The following PURB variants were observed in gnomAD, a reference collection of about 807,000 sequenced individuals.
PURB encodes the protein transcriptional regulator protein Pur-beta.
In PURB, 11 loss-of-function variants were observed where a neutral mutation model predicts 21.1. The observed-to-expected ratio is 0.52, with a 90% CI of 0.33 to 0.86. The LOEUF is 0.86. Among genes scored for constraint, PURB ranks in the 40% least tolerant of loss-of-function variants. The probability of loss-of-function intolerance (pLI) is 0.02; values close to 1 mark genes in which losing one functional copy is unlikely to be tolerated. For synonymous variants in PURB, 246 were observed against 210.8 expected (o/e 1.17, Z -1.45); for missense variants, 357 against 456.5 (o/e 0.78, Z 1.99).
Position 44,882,739 on chromosome 7 carries a change from G to T in PURB, c.*1671C>A, listed in dbSNP as rs889332482. ...AAAAAAATACTAAGATTGTGGAGGC[G>T]GGGTTACTTGCCTCCTGGTTGAGAA... On this transcript the variant is annotated 3_prime_UTR_variant, in exon 1 of 1. Transcript: ENST00000395699. The T allele has an allele frequency of 3.3e-5, 5 of 152,156 alleles. No individual in the cohort carries two copies. Among genetic ancestry groups the T allele is most frequent in the Non-Finnish European group, 2.9e-5 (2 of 68,036 alleles). The allele number at this position is 152,156 out of a possible 1,614,324, so 9.4% of individuals were successfully genotyped here.
rs1793896282 is a variant in PURB, at chr7:44,882,767, T to TGTC, written c.*1640_*1642dup. On this transcript the variant is annotated 3_prime_UTR_variant, in exon 1 of 1. Transcript: ENST00000395699. ...GTTACTTGCCTCCTGGTTGAGAAGGTGTCACACAAAGAATACCTGAAAACT... is the reference window on the plus strand; with the variant it reads ...GTTACTTGCCTCCTGGTTGAGAAGGTGTCGTCACACAAAGAATACCTGAAAACT... The TGTC allele has an allele frequency of 6.6e-6, 1 of 152,150 alleles. No homozygotes were observed. Among genetic ancestry groups the TGTC allele is most frequent in the Non-Finnish European group, 1.5e-5 (1 of 68,026 alleles). The allele number at this position is 152,150 out of a possible 1,614,324, so 9.4% of individuals were successfully genotyped here. A position where few individuals can be genotyped will look rare whatever the true frequency, so the allele number is the denominator to read the frequency against.
Position 44,885,254 on chromosome 7 carries a change from T to A in PURB, c.95A>T (p.Gln32Leu). The change falls in exon 1 of 1, where the codon CAG becomes CTG. Residue 32 changes from glutamine (Q) to leucine (L), a missense_variant. By Grantham distance (113) the Gln-to-Leu change is moderately radical. Coordinates refer to ENST00000395699, the MANE Select transcript of PURB (RefSeq NM_033224.5). ...ASRGGGEQET[Q>L]ELASKRLDIQ... ...GTCCAGCCGCTTCGAGGCCAGCTCC[T>A]GCGTCTCTTGCTCGCCGCCGCCGCG... is the stretch of plus-strand genomic sequence containing the variant. The A allele has an allele frequency of 6.4e-7, 1 of 1,556,080 alleles. No individual in the cohort carries two copies. Among genetic ancestry groups the A allele is most frequent in the Non-Finnish European group, 8.6e-7 (1 of 1,159,480 alleles).
rs1250811244 is a variant in PURB, at chr7:44,880,966, G to C, written c.*3444C>G. On this transcript the variant is annotated 3_prime_UTR_variant, in exon 1 of 1. Transcript: ENST00000395699. The stretch of plus-strand genomic sequence containing the variant: ...CAGATTTATATTTTGTTCTTGTGCA[G>C]CATATGCACTGAAAAACTTGCTGCT... 6.6e-6 allele frequency: 1 copy of C among 152,566 alleles called. No homozygotes were observed. The highest frequency in any genetic ancestry group is 1.5e-5 in the Non-Finnish European group (1 of 68,020). The allele number at this position is 152,566 out of a possible 1,614,324, so 9.5% of individuals were successfully genotyped here.
In PURB at chr7:44,878,136, C is replaced by G. The variant is rs1206646361; in HGVS notation, c.*6274G>C. On this transcript the variant is annotated 3_prime_UTR_variant, in exon 1 of 1. Transcript: ENST00000395699. ...TTGGCTTTAAGAAATAAGAGATGGC[C>G]TAAATGGATATTTTGGAAAAAGTTA... The G allele has an allele frequency of 6.6e-6, 1 of 152,090 alleles. No individual in the cohort carries two copies. The highest frequency in any genetic ancestry group is 1.5e-5 in the Non-Finnish European group (1 of 68,014). 9.4% of individuals were successfully genotyped at this position (152,090 alleles called of 1,614,324 possible). A position where few individuals can be genotyped will look rare whatever the true frequency, so the allele number is the denominator to read the frequency against.
rs1038964548 is a variant in PURB, at chr7:44,884,517, C to T, written c.832G>A (p.Glu278Lys). Residue 278 changes from glutamate (E) to lysine (K), a missense_variant, in exon 1 of 1, where the codon GAG (glutamate) becomes AAG (lysine). Coordinates refer to ENST00000395699, the MANE Select transcript of PURB (RefSeq NM_033224.5). ...TGTCGTTCCTGGATTTCTTTCATCT[C>T]ATCCGCATACCGGCAAAAGGCGCCT... Reference protein sequence around the residue: ...FGGAFCRYADEMKEIQERQRD... With the variant: ...FGGAFCRYADKMKEIQERQRD... 1 of 1,614,106 alleles carries T rather than the reference C, an allele frequency of 6.2e-7. No individual in the cohort carries two copies. The highest frequency in any genetic ancestry group is 8.5e-7 in the Non-Finnish European group (1 of 1,180,040).
chr7:44,880,384 A>C lies in PURB; in HGVS notation c.*4026T>G, dbSNP rs1335102701. 6.5e-6 allele frequency: 1 copy of C among 152,684 alleles called. No individual in the cohort carries two copies. The highest frequency in any genetic ancestry group is 2.4e-5 in the African/African-American group (1 of 41,466). The allele number at this position is 152,684 out of a possible 1,614,324, so 9.5% of individuals were successfully genotyped here. ...TGGATAAAGTACCATAATTGGGTTA[A>C]AAATGAAAACAAAATTTACAGTGAA... On this transcript the variant is annotated 3_prime_UTR_variant, in exon 1 of 1. Coordinates refer to ENST00000395699, the MANE Select transcript of PURB (RefSeq NM_033224.5).
At position 44,885,184 on chromosome 7, in the gene PURB, C is replaced by G. The variant is rs753038925; in HGVS notation, c.165G>C (p.Lys55Asn). 1 of 1,588,158 alleles carries G rather than the reference C, an allele frequency of 6.3e-7. No individual in the cohort carries two copies. The change falls in exon 1 of 1, where the codon AAG becomes AAC. Residue 55 changes from lysine to asparagine, a missense_variant. Coordinates refer to ENST00000395699, the MANE Select transcript of PURB (RefSeq NM_033224.5). The part of the protein sequence containing the change: ...RFYLDVKQNA[K>N]GRFLKIAEVG... ...CCTCGGCGATCTTGAGGAAGCGGCC[C>G]TTGGCGTTCTGCTTCACATCTAAGT... is the stretch of plus-strand genomic sequence containing the variant.
rs974724500 is a variant in PURB at position 44,880,334 on chromosome 7, A to G, written c.*4076T>C. On this transcript the variant is annotated 3_prime_UTR_variant, in exon 1 of 1. Coordinates refer to ENST00000395699, the MANE Select transcript of PURB (RefSeq NM_033224.5). ...AAGGCCACACTATTTTCAAATGAAT[A>G]TCTACTGAGAGATCAGTTGTGCATT... 1 of 152,648 alleles carries G rather than the reference A, an allele frequency of 6.6e-6. No homozygotes were observed. The highest frequency in any genetic ancestry group is 2.4e-5 in the African/African-American group (1 of 41,446). 9.5% of individuals were successfully genotyped at this position (152,648 alleles called of 1,614,324 possible).
In PURB at chr7:44,885,363, C is replaced by T. The variant is rs2128692514; in HGVS notation, c.-15G>A. On this transcript the variant is annotated 5_prime_UTR_variant, in exon 1 of 1. Coordinates refer to ENST00000395699, the MANE Select transcript of PURB (RefSeq NM_033224.5). ...CCGTCCGCCATCTTCTAGGCCGCCG[C>T]CTCGCCGCCACCGCCCGCCGCGCTC... 1 of 1,126,702 alleles carries T rather than the reference C, an allele frequency of 8.9e-7. No individual in the cohort carries two copies. The highest frequency in any genetic ancestry group is 3.6e-5 in the East Asian group (1 of 27,520). The allele number at this position is 1,126,702 out of a possible 1,614,324, so 69.8% of individuals were successfully genotyped here. A position where few individuals can be genotyped will look rare whatever the true frequency, so the allele number is the denominator to read the frequency against.
chr7:44,879,645 A>T lies in PURB; in HGVS notation c.*4765T>A, dbSNP rs1793849092. 1 of 152,606 alleles carries T rather than the reference A, an allele frequency of 6.6e-6. No homozygotes were observed. 9.5% of individuals were successfully genotyped at this position (152,606 alleles called of 1,614,324 possible). A position where few individuals can be genotyped will look rare whatever the true frequency, so the allele number is the denominator to read the frequency against. ...AGGCTCAAGGGAAAGTAACTTATTA[A>T]ATTGTGAATGCAGCATTATTTACTC... On this transcript the variant is annotated 3_prime_UTR_variant, in exon 1 of 1. Coordinates refer to ENST00000395699, the MANE Select transcript of PURB (RefSeq NM_033224.5).
rs1368178501 is a variant in PURB at position 44,882,121 on chromosome 7, G to GA, written c.*2288dup. 6.6e-6 allele frequency: 1 copy of GA among 152,556 alleles called. No homozygotes were observed. The highest frequency in any genetic ancestry group is 1.5e-5 in the Non-Finnish European group (1 of 68,034). 9.5% of individuals were successfully genotyped at this position (152,556 alleles called of 1,614,324 possible). On this transcript the variant is annotated 3_prime_UTR_variant, in exon 1 of 1. Transcript: ENST00000395699. ...AAATTTTCATTGCTGCCTCAGAGTT[G>GA]AAACTTAAATAGTTTCTGCAAACCT...
rs980819621 is a variant in PURB, at chr7:44,879,518, AATTG to A, written c.*4888_*4891del. ...GTTGTAACTCTTTAGGAAGACAGCT[AATTG>A]ATTTACAGTACTCTAAAACCAACCC... is the stretch of plus-strand genomic sequence containing the variant. On this transcript the variant is annotated 3_prime_UTR_variant, in exon 1 of 1. Transcript: ENST00000395699. 2.7e-5 allele frequency: 4 copies of A among 148,034 alleles called. No homozygotes were observed. Among genetic ancestry groups the A allele is most frequent in the African/African-American group, 1.0e-4 (4 of 39,560 alleles). 9.2% of individuals were successfully genotyped at this position (148,034 alleles called of 1,614,324 possible). A position where few individuals can be genotyped will look rare whatever the true frequency, so the allele number is the denominator to read the frequency against.
Position 44,876,331 on chromosome 7 carries a change from C to T in PURB, c.*8079G>A, listed in dbSNP as rs1315803106. ...TTCTGCATACTTTATTTGTTACAAA[C>T]ATACAATTTTTTTTAAATATAGACT... On this transcript the variant is annotated 3_prime_UTR_variant, in exon 1 of 1. Transcript: ENST00000395699. The T allele has an allele frequency of 6.6e-6, 1 of 152,590 alleles. No individual in the cohort carries two copies. Among genetic ancestry groups the T allele is most frequent in the Non-Finnish European group, 1.5e-5 (1 of 68,032 alleles). The allele number at this position is 152,590 out of a possible 1,614,324, so 9.5% of individuals were successfully genotyped here. A position where few individuals can be genotyped will look rare whatever the true frequency, so the allele number is the denominator to read the frequency against.
In PURB at chr7:44,885,006, G is replaced by A. The variant is rs750459152; in HGVS notation, c.343C>T (p.Pro115Ser). The A allele has an allele frequency of 1.3e-5, 20 of 1,542,782 alleles. No homozygotes were observed. The highest frequency in any genetic ancestry group is 1.6e-5 in the Non-Finnish European group (18 of 1,146,760). ...AATTCGCTCTTGAGCGCGCGCCGCG[G>A]CCCGCCGCCCTCCTCGGCGCCAGCC... The part of the protein sequence containing the change: ...LAAGAEEGGG[P>S]RRALKSEFLV... The change falls in exon 1 of 1, where the codon CCG becomes TCG. Residue 115 changes from proline to serine, a missense_variant. Transcript: ENST00000395699.
At position 44,884,829 on chromosome 7, in the gene PURB, G is replaced by A. The variant is rs1793932254; in HGVS notation, c.520C>T (p.Leu174=). The change falls in exon 1 of 1, where the codon CTG becomes TTG. Residue 174 remains leucine (L), a synonymous_variant. Transcript: ENST00000395699. The stretch of plus-strand genomic sequence containing the variant: ...AACTCGATGAGGCCCTGCGCAGGCA[G>A]CGCGATGGTCTGGCCGCTCTGCAAG... The part of the protein sequence containing the change: ...GGLQSGQTIA[L]PAQGLIEFRD... 1 of 1,579,238 alleles carries A rather than the reference G, an allele frequency of 6.3e-7. No individual in the cohort carries two copies. Among genetic ancestry groups the A allele is most frequent in the Non-Finnish European group, 8.6e-7 (1 of 1,163,576 alleles).
At position 44,883,113 on chromosome 7, in the gene PURB, C is replaced by T. The variant is rs571073592; in HGVS notation, c.*1297G>A. The T allele has an allele frequency of 6.5e-6, 1 of 152,716 alleles. No homozygotes were observed. Among genetic ancestry groups the T allele is most frequent in the African/African-American group, 2.4e-5 (1 of 41,566 alleles). 9.5% of individuals were successfully genotyped at this position (152,716 alleles called of 1,614,324 possible). On this transcript the variant is annotated 3_prime_UTR_variant, in exon 1 of 1. Coordinates refer to ENST00000395699, the MANE Select transcript of PURB (RefSeq NM_033224.5). ...TCCACCGGGTGCACTGCTTGAATCA[C>T]TCATCCATCATTTGCCAACTCTGAT...
Position 44,880,252 on chromosome 7 carries a change from T to C in PURB, c.*4158A>G, listed in dbSNP as rs975070321. 6.6e-6 allele frequency: 1 copy of C among 152,448 alleles called. No individual in the cohort carries two copies. The highest frequency in any genetic ancestry group is 1.5e-5 in the Non-Finnish European group (1 of 68,040). The allele number at this position is 152,448 out of a possible 1,614,324, so 9.4% of individuals were successfully genotyped here. On this transcript the variant is annotated 3_prime_UTR_variant, in exon 1 of 1. Transcript: ENST00000395699. ...TGCAGAAAGACAAACTCTCAGCAAA[T>C]GAGTCATTTCTACATAAGCAAAAAA...
rs765725212 is a variant in PURB, at chr7:44,884,069, C to T, written c.*341G>A. On this transcript the variant is annotated 3_prime_UTR_variant, in exon 1 of 1. Coordinates refer to ENST00000395699, the MANE Select transcript of PURB (RefSeq NM_033224.5). ...CTGGGTAACTTGGACATGTTTCTTG[C>T]CCTGGATGTGCAAGGATCTATTCCC... is the stretch of plus-strand genomic sequence containing the variant. 1.0e-4 allele frequency: 34 copies of T among 341,064 alleles called. No individual in the cohort carries two copies. The Middle Eastern group carries it at 3.5e-3, about 35-fold the overall frequency. The allele number at this position is 341,064 out of a possible 1,614,324, so 21.1% of individuals were successfully genotyped here. A position where few individuals can be genotyped will look rare whatever the true frequency, so the allele number is the denominator to read the frequency against.
In PURB at chr7:44,877,579, G is replaced by C. The variant is rs1000878041; in HGVS notation, c.*6831C>G. 1 of 152,176 alleles carries C rather than the reference G, an allele frequency of 6.6e-6. No individual in the cohort carries two copies. Among genetic ancestry groups the C allele is most frequent in the Non-Finnish European group, 1.5e-5 (1 of 68,062 alleles). 9.4% of individuals were successfully genotyped at this position (152,176 alleles called of 1,614,324 possible). On this transcript the variant is annotated 3_prime_UTR_variant, in exon 1 of 1. Coordinates refer to ENST00000395699, the MANE Select transcript of PURB (RefSeq NM_033224.5). ...GCATTTTGGGAAGCTGAGGCGGGCA[G>C]ATCACTTGAGGTCAGGAGTTCGAGA...
Sources: gnomAD v4.1 joint callset for allele counts on GRCh38, gnomAD v4.1.1 for gene constraint, MANE v1.5 for transcripts, NCBI Gene and HGNC (gene_info 2026-07-23, HGNC 2026-07-21) for gene names.